The following FAF2 variants were observed in gnomAD, a reference collection of about 807,000 sequenced individuals.
FAF2 encodes the protein Fas associated factor family member 2, also known as FAS-associated factor 2.
A neutral mutation model predicts 62.3 loss-of-function variants in FAF2; 9 were observed. The observed-to-expected ratio is 0.14, with a 90% CI of 0.09 to 0.25. The LOEUF (loss-of-function observed/expected upper bound fraction) is 0.25, where lower values mean the gene tolerates loss of function less well. FAF2 is among the 10% of genes least tolerant of loss of function. The probability of loss-of-function intolerance (pLI) is 1.00; values close to 1 mark genes in which losing one functional copy is unlikely to be tolerated. For missense variants in FAF2, 368 were observed against 556.2 expected (o/e 0.66, Z 3.40); for synonymous variants, 202 against 198.0 (o/e 1.02, Z -0.17).
chr5:176,464,016 C>T (rs1252823980), intron 1 of FAF2, among the ~76,000 whole-genome samples: 1 of 152,192 alleles, frequency 6.6e-6, no homozygotes, highest in Non-Finnish European at 1.5e-5. Flanking sequence ...AGGCGTGAGC[C>T]ACTGTGCCGG....
chr5:176,450,624 G>T (rs2113711187), intron 1 of FAF2, among the ~76,000 whole-genome samples: 1 of 151,840 alleles, frequency 6.6e-6, no homozygotes, highest in African/African-American at 2.4e-5. Flanking sequence ...CGCGATCTCG[G>T]CTCACTGCAA....
At position 176,494,328 on chromosome 5, in the gene FAF2, G is replaced by A; in HGVS notation, c.661+53G>A. Reference sequence around the variant, plus strand: ...AGATTGTTGGAGTATCTTTGGAATAGTCTGGAAAGACATGCCATGCCATTT... The same window carrying A: ...AGATTGTTGGAGTATCTTTGGAATAATCTGGAAAGACATGCCATGCCATTT... On this transcript the variant is annotated intron_variant, in intron 7 of 10. Transcript: ENST00000261942. The surrounding 1 kb of genome is among the most constrained non-coding windows in gnomAD (Gnocchi z 4.0). 1 of 1,441,534 alleles carries A rather than the reference G, an allele frequency of 6.9e-7. No individual in the cohort carries two copies. The allele number at this position is 1,441,534 out of a possible 1,614,324, so 89.3% of individuals were successfully genotyped here.
At chr5:176,491,349 G>A (rs940089963) in intron 4 of FAF2, among the ~76,000 whole-genome samples, 1 of 152,122 alleles carries the variant, frequency 6.6e-6, no homozygotes, top group Non-Finnish European at 1.5e-5. Flanking sequence ...GGTACCATTA[G>A]GTATGTATTC....
chr5:176,471,923 G>A (rs1453679388), intron 1 of FAF2, among the ~76,000 whole-genome samples: 1 of 151,550 alleles, frequency 6.6e-6, no homozygotes, highest in African/African-American at 2.4e-5. Context: ...CTCGTGATTC[G>A]CCCCCCTCGG....
At chr5:176,493,887 T>C (rs1759016985) in intron 5 of FAF2, 112 bp from the exon 6 acceptor site, 4 of 720,200 alleles carry the variant, frequency 5.6e-6, no homozygotes, top group East Asian at 2.5e-5. Flanking sequence ...CCTTTTTTCC[T>C]TATTTTTCCT....
chr5:176,496,692 G>A (rs781017314), intron 8 of FAF2, 29 bp downstream of exon 8: 2 of 1,468,458 alleles, frequency 1.4e-6, no homozygotes, highest in Admixed American at 4.7e-5. Flanking sequence ...CTGGAACAGA[G>A]AGAGACCAGT....
At chr5:176,505,320 GTTTAAGTT>G (rs1755657167) in intron 10 of FAF2, among the ~76,000 whole-genome samples, 4 of 152,302 alleles carry the variant, frequency 2.6e-5, no homozygotes, top group Admixed American at 2.0e-4. Context: ...CTCACACACA[GTTTAAGTT>G]TTAGCATCCT....
chr5:176,489,295 C>T (rs1362785594), intron 4 of FAF2, among the ~76,000 whole-genome samples: 1 of 145,882 alleles, frequency 6.9e-6, no homozygotes, highest in African/African-American at 2.5e-5. Flanking sequence ...CTCCCCCTCC[C>T]CCCCCCACCA....
At chr5:176,506,605 A>G (rs1244380117) in intron 10 of FAF2, among the ~76,000 whole-genome samples, 163 bp from the exon 11 acceptor site, 2 of 152,216 alleles carry the variant, frequency 1.3e-5, no homozygotes. Context: ...GCCATGGGAA[A>G]TGAAAAGATT....
At chr5:176,475,297 T>C (rs1282943534) in intron 1 of FAF2, among the ~76,000 whole-genome samples, 2 of 151,898 alleles carry the variant, frequency 1.3e-5, no homozygotes, top group East Asian at 1.9e-4. Flanking sequence ...ACCCGGCTAA[T>C]TTTTTTTGTA....
intron 4 of FAF2, among the ~76,000 whole-genome samples, chr5:176,490,362 G>A (rs1200265607): frequency 1.3e-5 from 2 of 151,904 alleles, no homozygotes; most frequent in Non-Finnish European, 2.9e-5. Context: ...CAACTTCTTA[G>A]CATGTCAGGC....
At chr5:176,503,392 TA>T (rs1191041748) in intron 10 of FAF2, among the ~76,000 whole-genome samples, 3 of 151,882 alleles carry the variant, frequency 2.0e-5, no homozygotes, top group Non-Finnish European at 2.9e-5. Context: ...CCATCTCTAC[TA>T]AAAATACAAA....
chr5:176,463,127 T>C (rs1259233443), intron 1 of FAF2, among the ~76,000 whole-genome samples: 1 of 152,132 alleles, frequency 6.6e-6, no homozygotes, highest in Non-Finnish European at 1.5e-5. Flanking sequence ...GCCTGGTGGC[T>C]CATGCCTGTA....
intron 1 of FAF2, among the ~76,000 whole-genome samples, chr5:176,467,129 C>CTTTTTTTTTTTTTT (rs374702773): frequency 1.1e-5 from 1 of 94,044 alleles, no homozygotes. Flanking sequence ...TTTTTTTTTC[C>CTTTTTTTTTTTTTT]TTTTTTTTTT....
chr5:176,466,959 T>G (rs1758479027), intron 1 of FAF2, among the ~76,000 whole-genome samples: 1 of 152,150 alleles, frequency 6.6e-6, no homozygotes, highest in South Asian at 2.1e-4. Context: ...CAATTACATT[T>G]TTAACTTCTG....
In FAF2 at chr5:176,462,182, G is replaced by A. The variant is rs543575949; in HGVS notation, c.63+13712G>A. ...TCCCAGCTACTTGAGAGGCTGAGGCGGGAGAATTGCTTGAACCCAAGAGAC... is the reference window on the plus strand; with the variant it reads ...TCCCAGCTACTTGAGAGGCTGAGGCAGGAGAATTGCTTGAACCCAAGAGAC... On this transcript the variant is annotated intron_variant, in intron 1 of 10. Coordinates refer to ENST00000261942, the MANE Select transcript of FAF2 (RefSeq NM_014613.3). Among the ~76,000 whole-genome samples the A allele has an allele frequency of 2.0e-5, 3 of 151,680 alleles. No individual in the cohort carries two copies. The South Asian group carries it at 6.3e-4, about 32-fold the overall frequency.
At chr5:176,464,137 T>C (rs1192280260) in intron 1 of FAF2, among the ~76,000 whole-genome samples, 1 of 152,094 alleles carries the variant, frequency 6.6e-6, no homozygotes, top group East Asian at 1.9e-4. Context: ...TTCTTTTTTT[T>C]GTAGAGACAG....
chr5:176,463,126 C>G (rs1434605747), intron 1 of FAF2, among the ~76,000 whole-genome samples: 2 of 152,096 alleles, frequency 1.3e-5, no homozygotes, highest in Admixed American at 1.3e-4. Context: ...GGCCTGGTGG[C>G]TCATGCCTGT....
Position 176,507,152 on chromosome 5 carries a change from T to A in FAF2, c.*202T>A. ...CTGCCCGTAAGAGTCACAACCTGTG[T>A]GTGCGCGCAAGGTTAGCAACAAACG... On this transcript the variant is annotated 3_prime_UTR_variant, in exon 11 of 11. Transcript: ENST00000261942. 1 of 341,732 alleles carries A rather than the reference T, an allele frequency of 2.9e-6. No homozygotes were observed. Among genetic ancestry groups the A allele is most frequent in the Non-Finnish European group, 5.3e-6 (1 of 189,472 alleles). 21.2% of individuals were successfully genotyped at this position (341,732 alleles called of 1,614,324 possible). A position where few individuals can be genotyped will look rare whatever the true frequency, so the allele number is the denominator to read the frequency against.
Sources: allele counts gnomAD v4.1 joint callset (sites outside exome capture counted in the v4.1 genomes callset), GRCh38; gene constraint gnomAD v4.1.1; non-coding constraint Gnocchi (gnomAD v3.1); transcripts MANE v1.5; gene names NCBI Gene and HGNC (gene_info 2026-07-23, HGNC 2026-07-21).